Variants in ACACA observed in about 807,000 individuals in gnomAD.
The protein encoded by ACACA is acetyl-CoA carboxylase 1.
In ACACA, 103 loss-of-function variants were observed where a neutral mutation model predicts 296.1. The observed-to-expected ratio is 0.35, with a 90% confidence interval of 0.30 to 0.41. The LOEUF (loss-of-function observed/expected upper bound fraction) is 0.41, where lower values mean the gene tolerates loss of function less well. ACACA is among the 10% of genes least tolerant of loss of function. The pLI is 1.00. For synonymous variants in ACACA, 953 were observed against 1,038.6 expected (o/e 0.92, Z 1.58); for missense variants, 1,554 against 2,989.7 (o/e 0.52, Z 11.20).
chr17:37,114,531 TAAAAA>T (rs60963286), intron 50 of ACACA, among the ~76,000 whole-genome samples: 1 of 122,834 alleles, frequency 8.1e-6, no homozygotes, highest in Admixed American at 8.2e-5. Flanking sequence ...GCCCTGCCTT[TAAAAA>T]AAAAAAAAAA....
At chr17:37,273,298 C>T (rs2082143403) in intron 9 of ACACA, among the ~76,000 whole-genome samples, 1 of 152,124 alleles carries the variant, frequency 6.6e-6, no homozygotes, top group African/African-American at 2.4e-5. Flanking sequence ...ATAACCAACA[C>T]TTTAAACTAT....
intron 3 of ACACA, among the ~76,000 whole-genome samples, chr17:37,299,989 C>G (rs1598433334): frequency 6.6e-6 from 1 of 152,230 alleles, no homozygotes; most frequent in East Asian, 1.9e-4. Context: ...GGAAACACGC[C>G]ACTACTAGGG....
chr17:37,144,097 T>A, intron 45 of ACACA: 1 of 763,222 alleles, frequency 1.3e-6, no homozygotes, highest in Non-Finnish European at 2.4e-6. Flanking sequence ...ATGGGTCTTG[T>A]CTGTCTTTGC....
chr17:37,279,168 A>G (rs992522660), intron 5 of ACACA, among the ~76,000 whole-genome samples: 1 of 152,186 alleles, frequency 6.6e-6, no homozygotes, highest in African/African-American at 2.4e-5. Context: ...TCTTGTTCTT[A>G]TTTCTAAAAG....
intron 45 of ACACA, chr17:37,141,288 G>A: frequency 1.8e-6 from 1 of 542,550 alleles, no homozygotes; most frequent in South Asian, 1.5e-5. Context: ...GGCCCAACTT[G>A]GTCATCCATT....
intron 41 of ACACA, among the ~76,000 whole-genome samples, chr17:37,176,344 A>G (rs1263562776): frequency 6.6e-6 from 1 of 152,222 alleles, no homozygotes; most frequent in Non-Finnish European, 1.5e-5. Flanking sequence ...CATTATGATG[A>G]TTTAATGTCT....
chr17:37,279,660 A>T (rs1218261621), intron 5 of ACACA, among the ~76,000 whole-genome samples: 1 of 150,792 alleles, frequency 6.6e-6, no homozygotes, highest in African/African-American at 2.4e-5. Context: ...AAAAAAAAAA[A>T]ATTAGCTGGG....
chr17:37,164,463 C>A (rs139430579), intron 41 of ACACA, among the ~76,000 whole-genome samples: 1 of 152,160 alleles, frequency 6.6e-6, no homozygotes, highest in African/African-American at 2.4e-5. Flanking sequence ...ATATATCATA[C>A]CATTGGCCAA....
In ACACA at chr17:37,111,525, A is replaced by G. The variant is rs753447930; in HGVS notation, c.6565+6T>C. The G allele has an allele frequency of 6.2e-7, 1 of 1,607,350 alleles. No individual in the cohort carries two copies. Among genetic ancestry groups the G allele is most frequent in the Non-Finnish European group, 8.5e-7 (1 of 1,173,746 alleles). The stretch of plus-strand genomic sequence containing the variant: ...ATTGATTTGCCAGAAGGACAAGCAG[A>G]CATACCCAATCGCTCAGCCAAGTGG... On this transcript the variant is annotated splice_donor_region_variant and intron_variant, in intron 52 of 55. Coordinates refer to ENST00000616317, the MANE Select transcript of ACACA (RefSeq NM_198834.3).
chr17:37,248,295 G>T, intron 17 of ACACA, 139 bp from the exon 18 acceptor site: 1 of 1,125,814 alleles, frequency 8.9e-7, no homozygotes, highest in Non-Finnish European at 1.3e-6. Flanking sequence ...TTGCATCAGT[G>T]TCTGTGGACA....
chr17:37,310,125 A>G (rs1383430482), intron 3 of ACACA, among the ~76,000 whole-genome samples: 2 of 152,198 alleles, frequency 1.3e-5, no homozygotes, highest in Non-Finnish European at 2.9e-5. Context: ...CAGACAGGAA[A>G]TCTAGTTAGG....
intron 1 of ACACA, chr17:37,388,937 T>A (rs1048844557): frequency 4.4e-6 from 5 of 1,148,022 alleles, no homozygotes; most frequent in Non-Finnish European, 6.1e-6. Flanking sequence ...TGAGTGGTGT[T>A]GGGAAAGTTG....
At chr17:37,343,169 C>T (rs1019086373) in intron 1 of ACACA, among the ~76,000 whole-genome samples, 12 of 151,666 alleles carry the variant, frequency 7.9e-5, no homozygotes, top group Admixed American at 4.6e-4. Context: ...GTAGAGACGG[C>T]GTTTCACCAT....
chr17:37,159,576 C>T (rs2076384445), intron 42 of ACACA, among the ~76,000 whole-genome samples: 1 of 152,146 alleles, frequency 6.6e-6, no homozygotes, highest in Non-Finnish European at 1.5e-5. Context: ...CAACCATTAC[C>T]ACTAATTCCA....
chr17:37,129,305 T>C (rs947962683), intron 47 of ACACA, 60 bp downstream of exon 47: 6 of 1,604,566 alleles, frequency 3.7e-6, no homozygotes. Flanking sequence ...GGATAGTGAT[T>C]GAAAAGAACG....
Position 37,113,509 on chromosome 17 carries a change from C to T in ACACA, c.6275-244G>A, listed in dbSNP as rs2074087920. On this transcript the variant is annotated intron_variant, in intron 50 of 55. Transcript: ENST00000616317. The surrounding 1 kb of genome is among the most constrained non-coding windows in gnomAD (Gnocchi z 4.0). Reference sequence around the variant, plus strand: ...CACAAGATACAGTGTGTAAGTCTTCCAGATTGCCTTTCCATTTTATATCCT... The same window carrying T: ...CACAAGATACAGTGTGTAAGTCTTCTAGATTGCCTTTCCATTTTATATCCT... Among the ~76,000 whole-genome samples the T allele has an allele frequency of 6.6e-6, 1 of 152,158 alleles. No homozygotes were observed. Among genetic ancestry groups the T allele is most frequent in the Non-Finnish European group, 1.5e-5 (1 of 68,022 alleles).
chr17:37,337,209 C>T (rs1163985124), intron 2 of ACACA, among the ~76,000 whole-genome samples: 1 of 151,928 alleles, frequency 6.6e-6, no homozygotes, highest in Non-Finnish European at 1.5e-5. Flanking sequence ...CTAAAGAAAA[C>T]CTATACCAGC....
At chr17:37,116,532 G>GA (rs2074261691) in intron 50 of ACACA, among the ~76,000 whole-genome samples, 1 of 152,168 alleles carries the variant, frequency 6.6e-6, no homozygotes, top group Non-Finnish European at 1.5e-5. Flanking sequence ...CCAAGACTGT[G>GA]AGTAGGAAAG....
At chr17:37,310,452 T>C (rs2084076884) in intron 3 of ACACA, among the ~76,000 whole-genome samples, 1 of 152,062 alleles carries the variant, frequency 6.6e-6, no homozygotes, top group Non-Finnish European at 1.5e-5. Context: ...ATATTATAAA[T>C]TTGGGAATCA....
Sources: gnomAD v4.1 joint callset for allele counts (sites outside exome capture counted in the v4.1 genomes callset) on GRCh38, gnomAD v4.1.1 for gene constraint, Gnocchi (gnomAD v3.1) non-coding constraint, MANE v1.5 for transcripts, NCBI Gene and HGNC (gene_info 2026-07-23, HGNC 2026-07-21) for gene names.